The following LAMA4 variants were observed in gnomAD, a reference collection of about 807,000 sequenced individuals.
The protein encoded by LAMA4 is laminin subunit alpha-4.
In LAMA4, 127 loss-of-function variants were observed where a neutral mutation model predicts 207.1. The observed-to-expected ratio is 0.61, with a 90% confidence interval of 0.53 to 0.71. The LOEUF (loss-of-function observed/expected upper bound fraction) is 0.71. Ranked by LOEUF, LAMA4 falls within the 30% of genes least tolerant of loss-of-function variation. The pLI is 0.00. For missense variants in LAMA4, 2,093 were observed against 2,246.5 expected (o/e 0.93, Z 1.38); for synonymous variants, 761 against 816.0 (o/e 0.93, Z 1.15).
intron 38 of LAMA4, among the ~76,000 whole-genome samples, chr6:112,110,330 C>A (rs1238162761): frequency 1.3e-5 from 2 of 152,090 alleles, no homozygotes; most frequent in African/African-American, 4.8e-5. Flanking sequence ...AATTAAAATC[C>A]ATTTAGCCAA....
At chr6:112,179,281 T>C (rs1420371412) in intron 9 of LAMA4, 3 of 152,210 alleles carry the variant, frequency 2.0e-5, no homozygotes, top group Non-Finnish European at 2.9e-5. Context: ...GTGTGTGTTT[T>C]TGTGTGCGTG....
At chr6:112,110,893 TAATTGATTA>T (rs1171523497) in intron 38 of LAMA4, among the ~76,000 whole-genome samples, 7 of 152,350 alleles carry the variant, frequency 4.6e-5, no homozygotes, top group Middle Eastern at 3.4e-3. Flanking sequence ...GGATCCTAAG[TAATTGATTA>T]ATGAAATTAA....
rs781868926 is a variant in LAMA4 at position 112,115,971 on chromosome 6, C to T, written c.5004G>A (p.Leu1668=). 1.4e-5 allele frequency: 22 copies of T among 1,613,126 alleles called. No homozygotes were observed. The highest frequency in any genetic ancestry group is 1.9e-5 in the Non-Finnish European group (22 of 1,179,430). ...VVLDESFNIG[L]KFEIAFEVRP... is the part of the protein sequence containing the mutation. ...GGACTTCAAATGCAATTTCAAACTT[C>T]AATCCAATATTGAAAGATTCATCTG... The change falls in exon 36 of 39, where the codon TTG becomes TTA. Residue 1668 remains leucine, a synonymous_variant. Coordinates refer to ENST00000230538, the MANE Select transcript of LAMA4 (RefSeq NM_001105206.3).
intron 13 of LAMA4, 104 bp from the exon 14 acceptor site, chr6:112,158,984 G>A: frequency 1.3e-6 from 1 of 782,392 alleles, no homozygotes; most frequent in Non-Finnish European, 2.2e-6. Flanking sequence ...ATGAAGGTCA[G>A]TAAATTTCAG....
intron 5 of LAMA4, among the ~76,000 whole-genome samples, chr6:112,194,110 G>A (rs1282531309): frequency 2.0e-5 from 3 of 152,222 alleles, no homozygotes; most frequent in Non-Finnish European, 4.4e-5. Context: ...TTATAGGCCT[G>A]CAGGTCCCTA....
At chr6:112,234,590 A>G (rs192897854) in intron 2 of LAMA4, 5 of 152,280 alleles carry the variant, frequency 3.3e-5, no homozygotes, top group Admixed American at 6.5e-5. Context: ...TAAAAAAAAA[A>G]AGAGATTGTA....
chr6:112,230,966 A>G (rs1433023307), intron 2 of LAMA4, among the ~76,000 whole-genome samples: 1 of 152,220 alleles, frequency 6.6e-6, no homozygotes, highest in African/African-American at 2.4e-5. Flanking sequence ...ATGCACCATT[A>G]GTGCTCTAGT....
intron 2 of LAMA4, among the ~76,000 whole-genome samples, chr6:112,217,365 C>T (rs1278265037): frequency 5.9e-5 from 9 of 152,190 alleles, no homozygotes; most frequent in Admixed American, 3.3e-4. Context: ...TGGAAATCCG[C>T]TCCCCGCCCA....
intron 13 of LAMA4, among the ~76,000 whole-genome samples, chr6:112,162,660 G>C (rs1194237607): frequency 2.6e-5 from 4 of 152,110 alleles, no homozygotes; most frequent in African/African-American, 9.7e-5. Context: ...GACATGTCAA[G>C]TTTGATATGT....
At chr6:112,243,235 G>C (rs1410606977) in intron 2 of LAMA4, among the ~76,000 whole-genome samples, 2 of 152,166 alleles carry the variant, frequency 1.3e-5, no homozygotes, top group African/African-American at 4.8e-5. Context: ...CTGTGCTGCA[G>C]ATCAGCCCCA....
Position 112,144,833 on chromosome 6 carries a change from G to T in LAMA4, c.2454C>A (p.Ile818=). 2 of 1,613,880 alleles carry T rather than the reference G, an allele frequency of 1.2e-6. No homozygotes were observed. Among genetic ancestry groups the T allele is most frequent in the Non-Finnish European group, 1.7e-6 (2 of 1,180,026 alleles). Residue 818 remains isoleucine, a synonymous_variant, in exon 19 of 39, where the codon ATC becomes ATA. Transcript: ENST00000230538. The part of the protein sequence containing the change: ...ASNVSASIQR[I]RELIAQTRSV... ...TTCTGGTCTGAGCAATGAGCTCTCG[G>T]ATCCTCTGGATGCTGGCAGAAACGT...
At chr6:112,173,176 T>G (rs1421768403) in intron 11 of LAMA4, among the ~76,000 whole-genome samples, 3 of 152,292 alleles carry the variant, frequency 2.0e-5, no homozygotes, top group African/African-American at 7.2e-5. Context: ...CAAACTTATC[T>G]TGTCGGTAAT....
chr6:112,154,656 AT>A lies in LAMA4; in HGVS notation c.2056+194del, dbSNP rs11332305. 0.11 allele frequency: 62,558 copies of A among 566,346 alleles called. 3,385 individuals are homozygous for A. Among genetic ancestry groups the A allele is most frequent in the Middle Eastern group, 0.22 (650 of 3,016 alleles). 35.1% of individuals were successfully genotyped at this position (566,346 alleles called of 1,614,324 possible). The stretch of plus-strand genomic sequence containing the variant: ...GTTTCCATGTAGTTTACTACATAGC[AT>A]TTTTTTTTTCAATCACAATTTAAAG... On this transcript the variant is annotated intron_variant, in intron 16 of 38. Transcript: ENST00000230538.
chr6:112,203,508 G>C (rs1783878678), intron 4 of LAMA4, among the ~76,000 whole-genome samples: 1 of 152,168 alleles, frequency 6.6e-6, no homozygotes, highest in Non-Finnish European at 1.5e-5. Context: ...TTTGATTTTT[G>C]ATAAGATATT....
At chr6:112,172,548 CCTT>C in intron 12 of LAMA4, 60 bp downstream of exon 12, 1 of 1,477,092 alleles carries the variant, frequency 6.8e-7, no homozygotes, top group Non-Finnish European at 9.5e-7. Context: ...ATCAACAGCC[CCTT>C]CTTGGTGTAC....
chr6:112,228,880 G>T (rs1015376991), intron 2 of LAMA4, among the ~76,000 whole-genome samples: 5 of 152,182 alleles, frequency 3.3e-5, no homozygotes, highest in African/African-American at 1.2e-4. Flanking sequence ...GGGGACAGGT[G>T]CAGAGTCACC....
chr6:112,154,053 T>C (rs1055787919), intron 16 of LAMA4, among the ~76,000 whole-genome samples: 22 of 152,166 alleles, frequency 1.4e-4, no homozygotes, highest in African/African-American at 5.3e-4. Context: ...AGGTGGCAGT[T>C]AGAAGTTCGC....
intron 2 of LAMA4, among the ~76,000 whole-genome samples, chr6:112,226,215 C>A (rs782439582): frequency 1.3e-5 from 2 of 152,170 alleles, no homozygotes; most frequent in African/African-American, 2.4e-5. Context: ...AAACTCTTAT[C>A]GTACTACTTT....
intron 14 of LAMA4, among the ~76,000 whole-genome samples, chr6:112,158,488 A>C (rs1780854971): frequency 6.6e-6 from 1 of 152,140 alleles, no homozygotes; most frequent in Non-Finnish European, 1.5e-5. Context: ...TAAATAAAAA[A>C]GACCAGCTCC....
Sources: allele counts gnomAD v4.1 joint callset (sites outside exome capture counted in the v4.1 genomes callset), GRCh38; gene constraint gnomAD v4.1.1; transcripts MANE v1.5; gene names NCBI Gene and HGNC (gene_info 2026-07-23, HGNC 2026-07-21).